Variants in SDK1 observed in about 807,000 individuals in gnomAD.
SDK1 encodes the protein sidekick cell adhesion molecule 1, also known as protein sidekick-1.
Under a neutral mutation model 245.5 loss-of-function variants are expected in SDK1, and 157 were observed. That is an observed-to-expected ratio of 0.64 (90% confidence interval 0.56 to 0.73). The LOEUF is 0.73. Among genes scored for constraint, SDK1 ranks in the 30% least tolerant of loss-of-function variants. The pLI is 0.00. For missense variants in SDK1, 3,583 were observed against 3,002.3 expected, an observed-to-expected ratio of 1.19 and a Z score of -4.52; for synonymous variants, 1,647 against 1,278.5, an observed-to-expected ratio of 1.29 and a Z score of -6.15.
chr7:3,547,952 C>T (rs970977730), intron 1 of SDK1, among the ~76,000 whole-genome samples: 1 of 152,188 alleles, frequency 6.6e-6, no homozygotes, highest in African/African-American at 2.4e-5. Context: ...AAAGCATAGT[C>T]AGTGTCTTTT....
intron 4 of SDK1, among the ~76,000 whole-genome samples, chr7:3,719,242 A>G (rs1316147053): frequency 6.7e-6 from 1 of 148,328 alleles, no homozygotes; most frequent in Non-Finnish European, 1.5e-5. Flanking sequence ...AAACCCAGAA[A>G]GGTTTTTTTT....
intron 1 of SDK1, chr7:3,338,130 T>TG (rs1780251293): frequency 4.9e-6 from 1 of 204,022 alleles, no homozygotes; most frequent in African/African-American, 2.3e-5. Context: ...GCCAAAATGA[T>TG]GAACGACAAA....
At chr7:3,972,861 C>T (rs1047337153) in intron 12 of SDK1, among the ~76,000 whole-genome samples, 1 of 152,106 alleles carries the variant, frequency 6.6e-6, no homozygotes, top group Non-Finnish European at 1.5e-5. Context: ...ACGTGGGTGC[C>T]GAATGCAAAA....
Position 3,958,972 on chromosome 7 carries a change from G to T in SDK1, c.1192G>T (p.Ala398Ser). The change falls in exon 8 of 45, where the codon GCT (alanine) becomes TCT (serine). Residue 398 changes from alanine to serine, a missense_variant. By Grantham distance (99) the Ala-to-Ser change is moderately conservative. Coordinates refer to ENST00000404826, the MANE Select transcript of SDK1 (RefSeq NM_152744.4). ...TGCTGAGCCCGAGAGTCGGATTTCA[G>T]CTGAAGTAGAAGAAACTGTGGACAT... ...FTAEPESRIS[A>S]EVEETVDIGC... The T allele has an allele frequency of 3.1e-6, 5 of 1,614,106 alleles. No individual in the cohort carries two copies. The highest frequency in any genetic ancestry group is 4.2e-6 in the Non-Finnish European group (5 of 1,180,006).
At chr7:4,023,107 G>C (rs565132584) in intron 17 of SDK1, among the ~76,000 whole-genome samples, 2 of 152,172 alleles carry the variant, frequency 1.3e-5, no homozygotes, top group African/African-American at 4.8e-5. Context: ...TTATGGCTCA[G>C]ATATATTTAC....
chr7:3,606,376 G>C (rs141424650), intron 1 of SDK1, among the ~76,000 whole-genome samples: 1 of 152,174 alleles, frequency 6.6e-6, no homozygotes, highest in Admixed American at 6.5e-5. Flanking sequence ...TTGTAGCCCA[G>C]TTGCATCAGG....
chr7:4,233,320 C>G lies in SDK1; in HGVS notation c.5893C>G (p.Leu1965Val), dbSNP rs749176490. 6.2e-7 allele frequency: 1 copy of G among 1,614,010 alleles called. No individual in the cohort carries two copies. ...PRSATSYTLS[L>V]DKLRQGVTYE... ...GAGCGCCACATCCTACACCCTCAGC[C>G]TGGATAAGCTCCGGCAAGGAGTGAC... The change falls in exon 41 of 45, where the codon CTG becomes GTG. Residue 1965 changes from leucine (L) to valine (V), a missense_variant. Transcript: ENST00000404826.
chr7:3,773,144 C>T (rs1780450482), intron 4 of SDK1, among the ~76,000 whole-genome samples: 1 of 152,194 alleles, frequency 6.6e-6, no homozygotes, highest in Admixed American at 6.5e-5. Flanking sequence ...TTCTTTCTCC[C>T]TCTCTTCTTT....
chr7:4,253,159 C>G (rs113330449), intron 44 of SDK1, among the ~76,000 whole-genome samples: 2 of 152,000 alleles, frequency 1.3e-5, no homozygotes, highest in South Asian at 4.1e-4. Context: ...TTATGACTTT[C>G]TTCTGCTTAA....
intron 5 of SDK1, among the ~76,000 whole-genome samples, chr7:3,903,284 C>T (rs1312455025): frequency 6.6e-6 from 1 of 151,938 alleles, no homozygotes; most frequent in South Asian, 2.1e-4. Context: ...GCTGGGACTA[C>T]AGGTGCCCGC....
intron 1 of SDK1, among the ~76,000 whole-genome samples, chr7:3,502,684 T>G (rs975066804): frequency 1.3e-5 from 2 of 152,248 alleles, no homozygotes; most frequent in African/African-American, 4.8e-5. Flanking sequence ...TTAAAAATAT[T>G]AAAATTTTGA....
intron 35 of SDK1, among the ~76,000 whole-genome samples, chr7:4,190,179 A>G (rs1783110259): frequency 6.6e-6 from 1 of 152,212 alleles, no homozygotes. Flanking sequence ...CACAGGCTGC[A>G]CTGTCTCATC....
intron 5 of SDK1, among the ~76,000 whole-genome samples, chr7:3,836,544 A>C (rs920083616): frequency 2.0e-5 from 3 of 152,216 alleles, no homozygotes; most frequent in Admixed American, 6.5e-5. Flanking sequence ...AAAGACAAAC[A>C]AGCACTTTCA....
intron 34 of SDK1, among the ~76,000 whole-genome samples, chr7:4,177,692 C>G (rs1782300115): frequency 6.6e-6 from 1 of 152,166 alleles, no homozygotes; most frequent in South Asian, 2.1e-4. Flanking sequence ...TTCCATAGAC[C>G]AGGTGGTAGG....
rs1554322016 is a variant in SDK1, at chr7:4,051,829, C to T, written c.2910C>T (p.Asp970=). Residue 970 remains aspartate (D), a splice_region_variant and synonymous_variant, in exon 19 of 45, where the codon GAC becomes GAT. Coordinates refer to ENST00000404826, the MANE Select transcript of SDK1 (RefSeq NM_152744.4). ...CTCAGCTGGTCTGGACTCAGGAAGA[C>T]AGTGAGTATTCCTTTCTGCGTGTCT... ...STPQLVWTQE[D]KPGAVGHLSF... is the part of the protein sequence containing the mutation. The T allele has an allele frequency of 1.2e-6, 2 of 1,607,840 alleles. No individual in the cohort carries two copies. Among genetic ancestry groups the T allele is most frequent in the Admixed American group, 1.7e-5 (1 of 59,008 alleles).
At chr7:3,496,217 C>T (rs190543217) in intron 1 of SDK1, among the ~76,000 whole-genome samples, 9 of 152,124 alleles carry the variant, frequency 5.9e-5, no homozygotes, top group East Asian at 1.9e-4. Flanking sequence ...CTCGTGGGAT[C>T]GCTGGAGGGT....
chr7:3,949,332 G>A (rs752850859), intron 5 of SDK1, among the ~76,000 whole-genome samples: 1 of 152,184 alleles, frequency 6.6e-6, no homozygotes, highest in Non-Finnish European at 1.5e-5. Context: ...TCACATGCAC[G>A]TTTAATACAA....
At position 3,680,329 on chromosome 7, in the gene SDK1, C is replaced by T. The variant is rs77741214; in HGVS notation, c.713+38224C>T. Among the ~76,000 whole-genome samples the T allele has an allele frequency of 1.4e-4, 21 of 152,232 alleles. No individual in the cohort carries two copies. In the East Asian group the frequency reaches 3.9e-3, roughly 28 times the overall value. On this transcript the variant is annotated intron_variant, in intron 4 of 44. Coordinates refer to ENST00000404826, the MANE Select transcript of SDK1 (RefSeq NM_152744.4). ...TGAGAGGGGAGGTGAGGGGAGACGGCTGGATGTGAATTTAGGTGGACAGCA... is the reference window on the plus strand; with the variant it reads ...TGAGAGGGGAGGTGAGGGGAGACGGTTGGATGTGAATTTAGGTGGACAGCA...
At position 3,355,383 on chromosome 7, in the gene SDK1, G is replaced by A. The variant is rs775506264; in HGVS notation, c.298+53499G>A. Among the ~76,000 whole-genome samples, 36 of 152,254 alleles carry A rather than the reference G, an allele frequency of 2.4e-4. 1 individual carries two copies. Among genetic ancestry groups the A allele is most frequent in the Non-Finnish European group, 4.3e-4 (29 of 68,002 alleles). Reference sequence around the variant, plus strand: ...TGGGGTGGAGTGCAATGGTGCGATCGTAGCTCGCCATGGCCTCCAACTCCT... The same window carrying A: ...TGGGGTGGAGTGCAATGGTGCGATCATAGCTCGCCATGGCCTCCAACTCCT... On this transcript the variant is annotated intron_variant, in intron 1 of 44. Coordinates refer to ENST00000404826, the MANE Select transcript of SDK1 (RefSeq NM_152744.4).
Sources: gnomAD v4.1 joint callset for allele counts (sites outside exome capture counted in the v4.1 genomes callset) on GRCh38, gnomAD v4.1.1 for gene constraint, MANE v1.5 for transcripts, NCBI Gene and HGNC (gene_info 2026-07-23, HGNC 2026-07-21) for gene names.